Variants in ADAMTS20 observed in about 807,000 individuals in gnomAD.
ADAMTS20 encodes A disintegrin and metalloproteinase with thrombospondin motifs 20.
ADAMTS20 carries 225 observed loss-of-function variants against 260.1 expected under a neutral mutation model. The ratio of observed to expected loss-of-function variants is 0.87; its 90% CI spans 0.78 to 0.97. The LOEUF is 0.97. ADAMTS20 is among the 50% of genes least tolerant of loss of function. The probability of loss-of-function intolerance (pLI) is 0.00; values close to 1 mark genes in which losing one functional copy is unlikely to be tolerated. For missense variants in ADAMTS20, 2,400 were observed against 2,337.7 expected (o/e 1.03, Z -0.55); for synonymous variants, 802 against 769.5 (o/e 1.04, Z -0.70).
At chr12:43,366,329 GAAACA>G (rs1303270822) in intron 37 of ADAMTS20, among the ~76,000 whole-genome samples, 1 of 151,596 alleles carries the variant, frequency 6.6e-6, no homozygotes, top group Non-Finnish European at 1.5e-5. Context: ...CAAAATAAAT[GAAACA>G]AAACAAAATA....
intron 2 of ADAMTS20, among the ~76,000 whole-genome samples, chr12:43,547,880 C>T (rs78962691): frequency 0.026 from 3,970 of 152,256 alleles, 106 homozygotes; most frequent in East Asian, 0.14. Context: ...GCCCAGAAAT[C>T]AGCTGCTGTT....
Position 43,432,428 on chromosome 12 carries a change from G to C in ADAMTS20, c.2972C>G (p.Ser991Cys). 1.2e-6 allele frequency: 2 copies of C among 1,612,780 alleles called. No individual in the cohort carries two copies. The highest frequency in any genetic ancestry group is 1.7e-6 in the Non-Finnish European group (2 of 1,179,764). Residue 991 changes from serine (S) to cysteine (C), a missense_variant, in exon 21 of 39, where the codon TCT becomes TGT. Transcript: ENST00000389420. ...ATGGCCAAAGTTATTCATACAATAA[G>C]ATTCTCGAGACCTTTCCCCTCCTCC... The part of the protein sequence containing the change: ...SCGGGERSRE[S>C]YCMNNFGHRL...
intron 31 of ADAMTS20, among the ~76,000 whole-genome samples, chr12:43,377,802 G>A (rs1270444815): frequency 8.2e-5 from 7 of 85,286 alleles, no homozygotes; most frequent in East Asian, 4.9e-4. Context: ...CTGTGTGTGC[G>A]TGTGTGTGTG....
chr12:43,497,718 T>C (rs1341561859), intron 4 of ADAMTS20, among the ~76,000 whole-genome samples: 1 of 152,086 alleles, frequency 6.6e-6, no homozygotes, highest in Non-Finnish European at 1.5e-5. Context: ...TTGAAAGTAA[T>C]GGTATAAAAT....
intron 27 of ADAMTS20, among the ~76,000 whole-genome samples, chr12:43,426,622 T>C (rs779039178): frequency 6.6e-6 from 1 of 152,214 alleles, no homozygotes; most frequent in Non-Finnish European, 1.5e-5. Flanking sequence ...TGCCAGTGCA[T>C]GAAGCAAGTG....
Position 43,466,647 on chromosome 12 carries a change from C to T in ADAMTS20, c.1367+5G>A. ...TGTTCAATTATTTAACATAAATTTA[C>T]TTACTCTAGGAATTCAGTAACATAT... is the stretch of plus-strand genomic sequence containing the variant. On this transcript the variant is annotated splice_donor_5th_base_variant and intron_variant, in intron 9 of 38. Coordinates refer to ENST00000389420, the MANE Select transcript of ADAMTS20 (RefSeq NM_025003.5). 1 of 1,599,800 alleles carries T rather than the reference C, an allele frequency of 6.3e-7. No individual in the cohort carries two copies. Among genetic ancestry groups the T allele is most frequent in the East Asian group, 2.2e-5 (1 of 44,518 alleles).
intron 7 of ADAMTS20, among the ~76,000 whole-genome samples, chr12:43,473,254 T>A (rs1942297765): frequency 2.6e-5 from 1 of 38,530 alleles, no homozygotes. Flanking sequence ...CATTACATAA[T>A]GGTAAAGGGA....
At chr12:43,492,379 C>CA (rs370670627) in intron 6 of ADAMTS20, 126 bp downstream of exon 6, 103,803 of 969,248 alleles carry the variant, frequency 0.11, 2,876 homozygotes, top group Middle Eastern at 0.12. Flanking sequence ...GACTCTGTCT[C>CA]AAAAAAAAAA....
chr12:43,436,096 A>G (rs1941550013), intron 18 of ADAMTS20, among the ~76,000 whole-genome samples: 2 of 152,186 alleles, frequency 1.3e-5, no homozygotes, highest in South Asian at 4.1e-4. Flanking sequence ...AAGGAAAAGA[A>G]AAAAAACAGC....
intron 14 of ADAMTS20, among the ~76,000 whole-genome samples, chr12:43,447,000 T>G (rs1046811058): frequency 6.6e-6 from 1 of 151,868 alleles, no homozygotes; most frequent in South Asian, 2.1e-4. Context: ...CAGTAATAAG[T>G]AGGCTACCAT....
chr12:43,439,656 A>T lies in ADAMTS20; in HGVS notation c.2559T>A (p.Tyr853Ter), dbSNP rs1380091791. The stretch of plus-strand genomic sequence containing the variant: ...TTTTGGTACAGCCTTCCCATGGTCC[A>T]TAGGGGTCCCATGTGAACATGTCAC... ...ERSDMFTWDP[Y>*]GPWEGCTKMC... The change falls in exon 18 of 39, where the codon TAT becomes TAA. Residue 853 changes from tyrosine (Y) to a stop codon, truncating the protein, a stop_gained. Coordinates refer to ENST00000389420, the MANE Select transcript of ADAMTS20 (RefSeq NM_025003.5). LOFTEE classifies it high-confidence loss of function. The T allele has an allele frequency of 6.2e-7, 1 of 1,613,530 alleles. No individual in the cohort carries two copies.
Position 43,552,182 on chromosome 12 carries a change from G to A in ADAMTS20, c.-261C>T, listed in dbSNP as rs552108377. On this transcript the variant is annotated 5_prime_UTR_variant, in exon 1 of 39. Coordinates refer to ENST00000389420, the MANE Select transcript of ADAMTS20 (RefSeq NM_025003.5). ...CTGCCCTCAGAAACTCTCTGCTCAGGTTCAGCTCGGCGCGGGGAAGCAACT... is the reference window on the plus strand; with the variant it reads ...CTGCCCTCAGAAACTCTCTGCTCAGATTCAGCTCGGCGCGGGGAAGCAACT... 4.7e-4 allele frequency among the ~76,000 whole-genome samples: 72 copies of A among 152,332 alleles called. No homozygotes were observed. Among genetic ancestry groups the A allele is most frequent in the Non-Finnish European group, 9.1e-4 (62 of 68,028 alleles).
intron 38 of ADAMTS20, 90 bp downstream of exon 38, chr12:43,356,394 T>C (rs1939742919): frequency 2.6e-6 from 2 of 764,708 alleles, no homozygotes; most frequent in Non-Finnish European, 4.3e-6. Context: ...ATCAATTTCA[T>C]ATAAGTTTAC....
chr12:43,404,136 T>C (rs1443392501), intron 28 of ADAMTS20, among the ~76,000 whole-genome samples: 1 of 151,654 alleles, frequency 6.6e-6, no homozygotes, highest in Non-Finnish European at 1.5e-5. Flanking sequence ...TCTCTTTTCT[T>C]TTCCAGACTA....
At position 43,492,001 on chromosome 12, in the gene ADAMTS20, G is replaced by C. The variant is rs544523929; in HGVS notation, c.1076+504C>G. On this transcript the variant is annotated intron_variant, in intron 6 of 38. Transcript: ENST00000389420. ...AGAGAACTAACTAGTATTCTGGTTT[G>C]AAAGAATAGAAGAATGCTTTTATTC... Among the ~76,000 whole-genome samples the C allele has an allele frequency of 6.4e-4, 97 of 152,298 alleles. 2 individuals are homozygous for C. The highest frequency in any genetic ancestry group is 2.2e-3 in the African/African-American group (91 of 41,562).
At position 43,354,134 on chromosome 12, in the gene ADAMTS20, A is replaced by C. The variant is rs1939692490; in HGVS notation, c.*75T>G. ...TGGAAATCTCGGGAAGGGAGATATA[A>C]AGAAATGAGCACCAGTTATTTGAAT... On this transcript the variant is annotated 3_prime_UTR_variant, in exon 39 of 39. Coordinates refer to ENST00000389420, the MANE Select transcript of ADAMTS20 (RefSeq NM_025003.5). 1 of 1,157,556 alleles carries C rather than the reference A, an allele frequency of 8.6e-7. No homozygotes were observed. Among genetic ancestry groups the C allele is most frequent in the South Asian group, 1.5e-5 (1 of 66,492 alleles). The allele number at this position is 1,157,556 out of a possible 1,614,324, so 71.7% of individuals were successfully genotyped here. A position where few individuals can be genotyped will look rare whatever the true frequency, so the allele number is the denominator to read the frequency against.
chr12:43,507,499 T>C (rs892593343), intron 3 of ADAMTS20, among the ~76,000 whole-genome samples: 1 of 152,178 alleles, frequency 6.6e-6, no homozygotes, highest in Non-Finnish European at 1.5e-5. Context: ...GAAGAACAAA[T>C]CCCATCTTAT....
chr12:43,539,358 T>G (rs1002555178), intron 2 of ADAMTS20, among the ~76,000 whole-genome samples: 1 of 152,210 alleles, frequency 6.6e-6, no homozygotes, highest in Non-Finnish European at 1.5e-5. Flanking sequence ...CACCCTTATA[T>G]AGTGTGCTAA....
At chr12:43,457,669 T>G (rs1227738401) in intron 11 of ADAMTS20, among the ~76,000 whole-genome samples, 1 of 152,216 alleles carries the variant, frequency 6.6e-6, no homozygotes, top group Non-Finnish European at 1.5e-5. Context: ...TCTGATACAT[T>G]AGCTAGAATA....
Sources: allele counts gnomAD v4.1 joint callset (sites outside exome capture counted in the v4.1 genomes callset), GRCh38; gene constraint gnomAD v4.1.1; transcripts MANE v1.5; gene names NCBI Gene and HGNC (gene_info 2026-07-23, HGNC 2026-07-21).